Variants in CNOT6L observed in about 807,000 individuals in gnomAD.
CNOT6L encodes CCR4-NOT transcription complex subunit 6-like.
A neutral mutation model predicts 64.0 loss-of-function variants in CNOT6L; 7 were observed. That is an observed-to-expected ratio of 0.11 (90% CI 0.06 to 0.21). The LOEUF is 0.21. Ranked by LOEUF, CNOT6L falls within the 10% of genes least tolerant of loss-of-function variation. CNOT6L has a pLI of 1.00. For missense variants in CNOT6L, 245 were observed against 669.0 expected (o/e 0.37, Z 6.99); for synonymous variants, 193 against 243.4 (o/e 0.79, Z 1.93).
At chr4:77,773,563 T>C (rs959742446) in intron 3 of CNOT6L, among the ~76,000 whole-genome samples, 2 of 152,166 alleles carry the variant, frequency 1.3e-5, no homozygotes, top group Admixed American at 6.5e-5. Context: ...GTACAAATTT[T>C]TACACAAACT....
chr4:77,819,146 ACC>A, intron 1 of CNOT6L, 156 bp downstream of exon 1: 1 of 1,411,716 alleles, frequency 7.1e-7, no homozygotes, highest in Non-Finnish European at 9.7e-7. Context: ...CCCGACACAC[ACC>A]CACTCGCCGT....
At chr4:77,808,532 G>A (rs1367956296) in intron 1 of CNOT6L, among the ~76,000 whole-genome samples, 1 of 151,380 alleles carries the variant, frequency 6.6e-6, no homozygotes, top group African/African-American at 2.4e-5. Context: ...GCCCACAGTA[G>A]GTAACCAGAA....
chr4:77,794,737 T>C (rs556824642), intron 1 of CNOT6L, among the ~76,000 whole-genome samples: 1 of 152,326 alleles, frequency 6.6e-6, no homozygotes, highest in East Asian at 1.9e-4. Context: ...CTCTCACTTC[T>C]ATTGAAGTTT....
chr4:77,739,107 C>CCTTTACTAAACAATACT (rs1356539467), intron 8 of CNOT6L, among the ~76,000 whole-genome samples: 22 of 152,234 alleles, frequency 1.4e-4, no homozygotes, highest in Non-Finnish European at 2.9e-4. Flanking sequence ...TGTGTCCTAG[C>CCTTTACTAAACAATACT]CTTTACTAAA....
chr4:77,769,280 T>C (rs979015742), intron 4 of CNOT6L, among the ~76,000 whole-genome samples: 2 of 152,208 alleles, frequency 1.3e-5, no homozygotes, highest in East Asian at 1.9e-4. Flanking sequence ...GAGAAAGACA[T>C]AATCGTGAAA....
intron 1 of CNOT6L, among the ~76,000 whole-genome samples, chr4:77,794,998 G>A (rs13103035): frequency 0.25 from 37,205 of 148,866 alleles, 5,325 homozygotes; most frequent in East Asian, 0.48. Context: ...CAGGTAACAA[G>A]CAAAAGTAAA....
At chr4:77,787,298 G>A (rs767503506) in intron 1 of CNOT6L, among the ~76,000 whole-genome samples, 1 of 151,964 alleles carries the variant, frequency 6.6e-6, no homozygotes, top group Non-Finnish European at 1.5e-5. Flanking sequence ...AATAATAGAT[G>A]ACACTACTAA....
In CNOT6L at chr4:77,715,438, A is replaced by G. The variant is rs550805145; in HGVS notation, c.*4993T>C. The G allele has an allele frequency of 6.6e-6, 1 of 152,252 alleles. No homozygotes were observed. The highest frequency in any genetic ancestry group is 2.4e-5 in the African/African-American group (1 of 41,568). 9.4% of individuals were successfully genotyped at this position (152,252 alleles called of 1,614,324 possible). A position where few individuals can be genotyped will look rare whatever the true frequency, so the allele number is the denominator to read the frequency against. ...AACTATTTTACTTAAAAAATATTCT[A>G]TTACTTCAATGTCATGTCTGTTGAA... On this transcript the variant is annotated 3_prime_UTR_variant, in exon 12 of 12. Coordinates refer to ENST00000504123, the MANE Select transcript of CNOT6L (RefSeq NM_144571.3).
Position 77,729,183 on chromosome 4 carries a change from C to T in CNOT6L, c.1025-102G>A, listed in dbSNP as rs147899137. The T allele has an allele frequency of 4.4e-4, 351 of 791,634 alleles. 4 individuals are homozygous for T. In the East Asian group the frequency reaches 6.9e-3, roughly 16 times the overall value. The allele number at this position is 791,634 out of a possible 1,614,324, so 49.0% of individuals were successfully genotyped here. A position where few individuals can be genotyped will look rare whatever the true frequency, so the allele number is the denominator to read the frequency against. ...AATATGATCCACAGCTACTTCTTTACTCTTTTCCATGAATTTATAACTTCC... is the reference window on the plus strand; with the variant it reads ...AATATGATCCACAGCTACTTCTTTATTCTTTTCCATGAATTTATAACTTCC... On this transcript the variant is annotated intron_variant, in intron 9 of 11. Coordinates refer to ENST00000504123, the MANE Select transcript of CNOT6L (RefSeq NM_144571.3).
chr4:77,755,244 T>G lies in CNOT6L; in HGVS notation c.490+1618A>C, dbSNP rs1034800465. 4.5e-3 allele frequency among the ~76,000 whole-genome samples: 595 copies of G among 131,004 alleles called. 9 individuals carry two copies. Among genetic ancestry groups the G allele is most frequent in the African/African-American group, 0.016 (570 of 34,870 alleles). The allele number at this position is 131,004 out of a possible 152,430, so 85.9% of individuals were successfully genotyped here. ...AAGAGTTTTTTTTTTTTTTTTTTTT[T>G]TTTTTTTTTTTTTTGAGACGGAGTC... On this transcript the variant is annotated intron_variant, in intron 5 of 11. Transcript: ENST00000504123.
At chr4:77,814,886 A>G (rs1452286139) in intron 1 of CNOT6L, among the ~76,000 whole-genome samples, 1 of 152,204 alleles carries the variant, frequency 6.6e-6, no homozygotes, top group Non-Finnish European at 1.5e-5. Flanking sequence ...ACTGTATTAG[A>G]GGTCCAGTGT....
intron 1 of CNOT6L, among the ~76,000 whole-genome samples, chr4:77,787,537 C>T (rs941065733): frequency 6.6e-6 from 1 of 152,148 alleles, no homozygotes; most frequent in Non-Finnish European, 1.5e-5. Context: ...ATTACACTTA[C>T]CCCCAGTTTC....
At chr4:77,761,234 A>C (rs561232984) in intron 4 of CNOT6L, among the ~76,000 whole-genome samples, 1 of 152,104 alleles carries the variant, frequency 6.6e-6, no homozygotes, top group Admixed American at 6.6e-5. Flanking sequence ...ACAAAACAAA[A>C]AAGTTGTCAG....
At chr4:77,732,172 T>C (rs1385468636) in intron 8 of CNOT6L, among the ~76,000 whole-genome samples, 1 of 152,102 alleles carries the variant, frequency 6.6e-6, no homozygotes, top group Non-Finnish European at 1.5e-5. Context: ...GAGAAACAGA[T>C]TCTGCAAGAT....
At chr4:77,801,160 A>T (rs891630190) in intron 1 of CNOT6L, among the ~76,000 whole-genome samples, 1 of 152,146 alleles carries the variant, frequency 6.6e-6, no homozygotes, top group African/African-American at 2.4e-5. Context: ...GGATACTCTG[A>T]CCCTACGTGA....
chr4:77,734,685 G>A (rs897937940), intron 8 of CNOT6L, among the ~76,000 whole-genome samples: 1 of 151,746 alleles, frequency 6.6e-6, no homozygotes, highest in Non-Finnish European at 1.5e-5. Flanking sequence ...TCACCTATTC[G>A]GATATTAAGT....
chr4:77,739,065 A>AT (rs1723293936), intron 8 of CNOT6L, among the ~76,000 whole-genome samples: 1 of 152,220 alleles, frequency 6.6e-6, no homozygotes, highest in African/African-American at 2.4e-5. Context: ...AGAACAGTGT[A>AT]TTATATTCTA....
At chr4:77,793,340 A>C (rs903144270) in intron 1 of CNOT6L, among the ~76,000 whole-genome samples, 2 of 152,224 alleles carry the variant, frequency 1.3e-5, no homozygotes, top group Non-Finnish European at 2.9e-5. Flanking sequence ...ATAGGATATA[A>C]CTATCATTCA....
intron 1 of CNOT6L, among the ~76,000 whole-genome samples, chr4:77,776,862 C>A (rs1235396443): frequency 6.6e-6 from 1 of 152,190 alleles, no homozygotes; most frequent in African/African-American, 2.4e-5. Context: ...CCGCAGAACT[C>A]ATTCTATGTT....
Sources: allele counts gnomAD v4.1 joint callset (sites outside exome capture counted in the v4.1 genomes callset), GRCh38; gene constraint gnomAD v4.1.1; transcripts MANE v1.5; gene names NCBI Gene and HGNC (gene_info 2026-07-23, HGNC 2026-07-21).